The following CES5A variants were observed in gnomAD, a reference collection of about 807,000 sequenced individuals.
The protein encoded by CES5A is carboxylesterase 5A.
Under a neutral mutation model 62.9 loss-of-function variants are expected in CES5A, and 67 were observed. That is an observed-to-expected ratio of 1.07 (90% CI 0.88 to 1.31). CES5A has a LOEUF of 1.31. CES5A is among the 50% of genes most tolerant of loss of function. CES5A has a pLI of 0.00. For synonymous variants in CES5A, 296 were observed against 280.8 expected (o/e 1.05, Z -0.54); for missense variants, 748 against 708.5 (o/e 1.06, Z -0.63).
chr16:55,954,420 C>T (rs879916500), intron 1 of CES5A, among the ~76,000 whole-genome samples: 1 of 152,246 alleles, frequency 6.6e-6, no homozygotes, highest in Admixed American at 6.5e-5. Flanking sequence ...CGGTCCTGAC[C>T]GAGGTGAAGC....
chr16:55,907,431 A>C (rs1282812379), intron 1 of CES5A, among the ~76,000 whole-genome samples: 1 of 152,190 alleles, frequency 6.6e-6, no homozygotes, highest in Non-Finnish European at 1.5e-5. Flanking sequence ...TCCCTAACTA[A>C]TTTAATTGCC....
chr16:55,951,810 G>A (rs768534383), intron 1 of CES5A, among the ~76,000 whole-genome samples: 1 of 152,104 alleles, frequency 6.6e-6, no homozygotes. Flanking sequence ...AAAAACTGAA[G>A]GATATACACA....
At chr16:55,867,912 C>A (rs1187045537) in intron 4 of CES5A, among the ~76,000 whole-genome samples, 1 of 152,232 alleles carries the variant, frequency 6.6e-6, no homozygotes, top group Non-Finnish European at 1.5e-5. Context: ...TGAATGACCC[C>A]ATGGCCTGCA....
intron 2 of CES5A, among the ~76,000 whole-genome samples, chr16:55,939,105 C>A (rs1212134258): frequency 6.6e-6 from 1 of 152,000 alleles, no homozygotes; most frequent in African/African-American, 2.4e-5. Flanking sequence ...TACTCTCAGG[C>A]AAACTCTTCT....
At chr16:55,931,178 C>T (rs2034307783) in intron 2 of CES5A, among the ~76,000 whole-genome samples, 1 of 152,208 alleles carries the variant, frequency 6.6e-6, no homozygotes, top group Admixed American at 6.5e-5. Context: ...TTCTTCATCC[C>T]AGGAATTACT....
At chr16:55,930,124 G>A (rs1198220686), upstream of CES5A, among the ~76,000 whole-genome samples, 1 of 152,060 alleles carries the variant, frequency 6.6e-6, no homozygotes, top group African/African-American at 2.4e-5. Context: ...TTAGAACATT[G>A]AAAATACTTC....
upstream of CES5A, among the ~76,000 whole-genome samples, chr16:55,876,717 C>G (rs2033698912): frequency 6.6e-6 from 1 of 152,216 alleles, no homozygotes; most frequent in African/African-American, 2.4e-5. Flanking sequence ...GGGGCAGCCA[C>G]AGCAGAGCAG....
rs74019319 is a variant in CES5A at position 55,886,443 on chromosome 16, A to G, written c.-255-12406T>C. The stretch of plus-strand genomic sequence containing the variant: ...GTTAATGCCCAATAAGAAACTCTAC[A>G]AACAGAGGGACAAAACTCATCCAAG... On this transcript the variant is annotated intron_variant, in intron 1 of 12. Coordinates refer to the CES5A transcript ENST00000518005. Among the ~76,000 whole-genome samples the G allele has an allele frequency of 5.7e-3, 862 of 152,250 alleles. 12 individuals carry two copies. Among genetic ancestry groups the G allele is most frequent in the African/African-American group, 0.019 (769 of 41,540 alleles).
chr16:55,871,595 G>A, intron 3 of CES5A, 30 bp downstream of exon 3: 1 of 1,611,992 alleles, frequency 6.2e-7, no homozygotes, highest in East Asian at 2.2e-5. Context: ...CTGCTAGCTA[G>A]AGCCCGAAGC....
At chr16:55,905,831 A>G (rs1483327009) in intron 1 of CES5A, among the ~76,000 whole-genome samples, 2 of 152,190 alleles carry the variant, frequency 1.3e-5, no homozygotes, top group African/African-American at 4.8e-5. Flanking sequence ...TATACGCGCA[A>G]TGGAGAACAA....
intron 11 of CES5A, among the ~76,000 whole-genome samples, chr16:55,847,613 C>T (rs77070786): frequency 0.031 from 4,667 of 152,204 alleles, 243 homozygotes; most frequent in African/African-American, 0.1. Flanking sequence ...CCTTTCTACA[C>T]ATCTGGCAGG....
At chr16:55,912,143 A>G (rs1159973601) in intron 1 of CES5A, among the ~76,000 whole-genome samples, 1 of 152,168 alleles carries the variant, frequency 6.6e-6, no homozygotes, top group African/African-American at 2.4e-5. Flanking sequence ...GCATGCAGGC[A>G]TCAGACAGGG....
chr16:55,915,021 A>G (rs1475124116), intron 1 of CES5A, among the ~76,000 whole-genome samples: 13 of 147,892 alleles, frequency 8.8e-5, no homozygotes, highest in African/African-American at 3.2e-4. Flanking sequence ...TTTTTCTTTT[A>G]AGCTTCCTTT....
Position 55,889,728 on chromosome 16 carries a change from C to T in CES5A, c.-255-15691G>A, listed in dbSNP as rs141355591. Among the ~76,000 whole-genome samples, 192 of 151,822 alleles carry T rather than the reference C, an allele frequency of 1.3e-3. 1 individual carries two copies. The highest frequency in any genetic ancestry group is 3.4e-3 in the Middle Eastern group (1 of 294). ...TACGTCATTGGCCATTGATAATTAA[C>T]CCAACTTTCAATGTCTCTCCCTTAC... is the stretch of plus-strand genomic sequence containing the variant. On this transcript the variant is annotated intron_variant, in intron 1 of 12. Coordinates refer to the CES5A transcript ENST00000518005.
chr16:55,875,236 G>T lies in CES5A; in HGVS notation c.-15C>A. The T allele has an allele frequency of 6.2e-7, 1 of 1,612,442 alleles. No homozygotes were observed. Among genetic ancestry groups the T allele is most frequent in the Non-Finnish European group, 8.5e-7 (1 of 1,179,232 alleles). ...TTCCCACTCATTTGGCTGCCTGCCT[G>T]CACTCTGTGAACATTGACGGCGGCT... On this transcript the variant is annotated 5_prime_UTR_variant, in exon 1 of 13. It introduces an in-frame stop codon into an upstream open reading frame of the 5' UTR. Transcript: ENST00000290567.
intron 2 of CES5A, among the ~76,000 whole-genome samples, chr16:55,934,741 T>C (rs2034351975): frequency 6.6e-6 from 1 of 151,958 alleles, no homozygotes; most frequent in Non-Finnish European, 1.5e-5. Flanking sequence ...AATTATAAGA[T>C]ACTGCCTTGT....
intron 11 of CES5A, 66 bp downstream of exon 11, chr16:55,849,557 GC>G: frequency 6.4e-7 from 1 of 1,558,920 alleles, no homozygotes; most frequent in African/African-American, 1.4e-5. Flanking sequence ...AGTCCTCCAG[GC>G]GCTTGCATCG....
chr16:55,859,747 C>A (rs1303206835), intron 7 of CES5A, 60 bp from the exon 8 acceptor site: 4 of 1,528,686 alleles, frequency 2.6e-6, no homozygotes, highest in Non-Finnish European at 3.5e-6. Context: ...TTCACAAAAT[C>A]TGCTGTCCCA....
chr16:55,943,922 G>A, intron 2 of CES5A: 1 of 657,230 alleles, frequency 1.5e-6, no homozygotes, highest in Non-Finnish European at 2.8e-6. Context: ...AGAGGGTCTA[G>A]AGCTGAAGGG....
Sources: allele counts gnomAD v4.1 joint callset (sites outside exome capture counted in the v4.1 genomes callset), GRCh38; gene constraint gnomAD v4.1.1; transcripts MANE v1.5; gene names NCBI Gene and HGNC (gene_info 2026-07-23, HGNC 2026-07-21).